Variants in LRFN5 observed in about 807,000 individuals in gnomAD.
LRFN5 encodes leucine rich repeat and fibronectin type III domain containing 5, also known as leucine-rich repeat and fibronectin type-III domain-containing protein 5.
Under a neutral mutation model 45.6 loss-of-function variants are expected in LRFN5, and 24 were observed. The ratio of observed to expected loss-of-function variants is 0.53; its 90% CI spans 0.38 to 0.74. LRFN5 has a LOEUF of 0.74. Ranked by LOEUF, LRFN5 falls within the 30% of genes least tolerant of loss-of-function variation. LRFN5 has a pLI of 0.00. For synonymous variants in LRFN5, 340 were observed against 313.8 expected (o/e 1.08, Z -0.88); for missense variants, 776 against 861.5 (o/e 0.90, Z 1.24).
At chr14:41,839,777 C>G (rs775040255) in intron 2 of LRFN5, among the ~76,000 whole-genome samples, 1 of 152,108 alleles carries the variant, frequency 6.6e-6, no homozygotes, top group Non-Finnish European at 1.5e-5. Flanking sequence ...TTGCTATACC[C>G]TTGCTGAGGT....
At chr14:41,675,200 T>G (rs896776625) in intron 1 of LRFN5, among the ~76,000 whole-genome samples, 3 of 151,792 alleles carry the variant, frequency 2.0e-5, no homozygotes, top group African/African-American at 7.3e-5. Flanking sequence ...CCAGACGGGG[T>G]GGCGGCCAGG....
chr14:41,773,753 C>T (rs768615511), intron 2 of LRFN5, among the ~76,000 whole-genome samples: 1 of 152,196 alleles, frequency 6.6e-6, no homozygotes, highest in Non-Finnish European at 1.5e-5. Context: ...TTACTTCCAT[C>T]TGAGATAATG....
At chr14:41,782,289 T>A (rs1357556569) in intron 2 of LRFN5, among the ~76,000 whole-genome samples, 2 of 152,058 alleles carry the variant, frequency 1.3e-5, no homozygotes, top group Non-Finnish European at 2.9e-5. Flanking sequence ...CTCAAACTTG[T>A]TAAGTCTTTC....
intron 1 of LRFN5, among the ~76,000 whole-genome samples, chr14:41,669,460 A>G (rs1881061149): frequency 6.6e-6 from 1 of 151,920 alleles, no homozygotes; most frequent in Non-Finnish European, 1.5e-5. Flanking sequence ...TATTTCATAT[A>G]GAAAATTATA....
At chr14:41,681,059 A>C (rs538618031) in intron 1 of LRFN5, among the ~76,000 whole-genome samples, 2 of 152,228 alleles carry the variant, frequency 1.3e-5, no homozygotes, top group African/African-American at 4.8e-5. Context: ...AGGCTATTTG[A>C]AAATACACAA....
chr14:41,812,327 A>G (rs922738994), intron 2 of LRFN5, among the ~76,000 whole-genome samples: 18 of 152,074 alleles, frequency 1.2e-4, no homozygotes, highest in Non-Finnish European at 2.4e-4. Flanking sequence ...AGGAATTTCT[A>G]TGAGTTTTTT....
chr14:41,755,232 G>A (rs1885320524), intron 1 of LRFN5, among the ~76,000 whole-genome samples: 1 of 152,220 alleles, frequency 6.6e-6, no homozygotes, highest in Non-Finnish European at 1.5e-5. Flanking sequence ...TGAGAAGAAT[G>A]TATATTGTGT....
intron 2 of LRFN5, among the ~76,000 whole-genome samples, chr14:41,846,264 A>T (rs1187098341): frequency 6.6e-6 from 1 of 151,922 alleles, no homozygotes; most frequent in Non-Finnish European, 1.5e-5. Flanking sequence ...TGGCAATTTT[A>T]CTCCTAGGTA....
intron 2 of LRFN5, among the ~76,000 whole-genome samples, chr14:41,815,607 G>A (rs933761084): frequency 1.3e-5 from 2 of 151,980 alleles, no homozygotes; most frequent in South Asian, 2.1e-4. Context: ...GTGTGGCGGT[G>A]CATGCCTGTG....
At chr14:41,871,587 TAA>T (rs34452763) in intron 2 of LRFN5, among the ~76,000 whole-genome samples, 3,877 of 148,582 alleles carry the variant, frequency 0.026, 134 homozygotes, top group African/African-American at 0.081. Context: ...AAAAATCTGT[TAA>T]AAAAAAAAAA....
At chr14:41,836,112 G>T (rs1424442001) in intron 2 of LRFN5, among the ~76,000 whole-genome samples, 1 of 152,038 alleles carries the variant, frequency 6.6e-6, no homozygotes, top group African/African-American at 2.4e-5. Flanking sequence ...AATAAATGCT[G>T]CTTACTTGGA....
intron 4 of LRFN5, chr14:41,894,447 T>G: frequency 1.1e-6 from 1 of 945,366 alleles, no homozygotes; most frequent in Non-Finnish European, 1.3e-6. Context: ...TTACAATATT[T>G]AAACCAAATG....
intron 1 of LRFN5, among the ~76,000 whole-genome samples, chr14:41,708,737 GTTA>G (rs1883166420): frequency 7.0e-6 from 1 of 143,096 alleles, no homozygotes; most frequent in African/African-American, 2.6e-5. Flanking sequence ...TTTACGTTTT[GTTA>G]TTGATTGTAT....
chr14:41,671,949 A>G lies in LRFN5; in HGVS notation c.-197+63387A>G, dbSNP rs79636055. Among the ~76,000 whole-genome samples the G allele has an allele frequency of 5.1e-3, 769 of 152,222 alleles. 4 individuals are homozygous for G. Among genetic ancestry groups the G allele is most frequent in the African/African-American group, 0.018 (746 of 41,532 alleles). On this transcript the variant is annotated intron_variant, in intron 1 of 5. Coordinates refer to ENST00000298119, the MANE Select transcript of LRFN5 (RefSeq NM_152447.5). ...TCAAATATTTCATAGCCAAATCTTGATTCAAAACCTATTTACTAAGCATCT... is the reference window on the plus strand; with the variant it reads ...TCAAATATTTCATAGCCAAATCTTGGTTCAAAACCTATTTACTAAGCATCT...
At chr14:41,614,259 A>G (rs1020075322) in intron 1 of LRFN5, among the ~76,000 whole-genome samples, 1 of 152,106 alleles carries the variant, frequency 6.6e-6, no homozygotes, top group Non-Finnish European at 1.5e-5. Flanking sequence ...AGTAGTGCAT[A>G]TGCTTTATTT....
At chr14:41,838,857 G>A (rs1438690542) in intron 2 of LRFN5, among the ~76,000 whole-genome samples, 1 of 152,050 alleles carries the variant, frequency 6.6e-6, no homozygotes, top group African/African-American at 2.4e-5. Flanking sequence ...TATTTTCTTG[G>A]CTCATTGCCT....
chr14:41,624,390 A>G lies in LRFN5; in HGVS notation c.-197+15828A>G, dbSNP rs532457237. Among the ~76,000 whole-genome samples the G allele has an allele frequency of 2.0e-5, 3 of 152,236 alleles. No homozygotes were observed. In the East Asian group the frequency reaches 5.8e-4, roughly 29 times the overall value. On this transcript the variant is annotated intron_variant, in intron 1 of 5. Coordinates refer to ENST00000298119, the MANE Select transcript of LRFN5 (RefSeq NM_152447.5). ...AACAAGGAGAATATACTGTAATATA[A>G]TATTATATCATTTGTTGCCTCTTCA...
At chr14:41,843,577 CA>C (rs1888942590) in intron 2 of LRFN5, among the ~76,000 whole-genome samples, 1 of 152,092 alleles carries the variant, frequency 6.6e-6, no homozygotes. Context: ...TGATCCAATT[CA>C]AATCAGTCTT....
In LRFN5 at chr14:41,775,093, C is replaced by CTTTTTTTTTTTTTTTTTTTTTTT. The variant is rs59438733; in HGVS notation, c.-21+8079_-21+8080insTTTTTTTTTTTTTTTTTTTTTTT. On this transcript the variant is annotated intron_variant, in intron 2 of 5. Coordinates refer to ENST00000298119, the MANE Select transcript of LRFN5 (RefSeq NM_152447.5). The stretch of plus-strand genomic sequence containing the variant: ...AGATTTGATGCTACTTTTTCTTTTT[C>CTTTTTTTTTTTTTTTTTTTTTTT]TTTTTTTTTTTTTTTGAGACGGAGT... Among the ~76,000 whole-genome samples the CTTTTTTTTTTTTTTTTTTTTTTT allele has an allele frequency of 3.6e-5, 4 of 112,492 alleles. 1 individual carries two copies. Among genetic ancestry groups the CTTTTTTTTTTTTTTTTTTTTTTT allele is most frequent in the African/African-American group, 1.4e-4 (4 of 28,476 alleles). The allele number at this position is 112,492 out of a possible 152,430, so 73.8% of individuals were successfully genotyped here.
Sources: gnomAD v4.1 joint callset for allele counts (sites outside exome capture counted in the v4.1 genomes callset) on GRCh38, gnomAD v4.1.1 for gene constraint, MANE v1.5 for transcripts, NCBI Gene and HGNC (gene_info 2026-07-23, HGNC 2026-07-21) for gene names.